The following NCK1 variants were observed in gnomAD, a reference collection of about 807,000 sequenced individuals.
NCK1 encodes SH2/SH3 adapter protein NCK1.
Under a neutral mutation model 36.6 loss-of-function variants are expected in NCK1, and 19 were observed. The observed-to-expected ratio is 0.52, with a 90% confidence interval of 0.36 to 0.76. The LOEUF is 0.76. Ranked by LOEUF, NCK1 falls within the 30% of genes least tolerant of loss-of-function variation. The probability of loss-of-function intolerance (pLI) is 0.00; values close to 1 mark genes in which losing one functional copy is unlikely to be tolerated. For missense variants in NCK1, 358 were observed against 445.6 expected (o/e 0.80, Z 1.77); for synonymous variants, 165 against 156.0 (o/e 1.06, Z -0.43).
At position 136,948,348 on chromosome 3, in the gene NCK1, G is replaced by C. The variant is rs780075424; in HGVS notation, c.1029G>C (p.Gln343His). 1 of 1,613,296 alleles carries C rather than the reference G, an allele frequency of 6.2e-7. No homozygotes were observed. Among genetic ancestry groups the C allele is most frequent in the Non-Finnish European group, 8.5e-7 (1 of 1,179,426 alleles). ...QLKETVYCIG[Q>H]RKFSTMEELV... Reference sequence around the variant, plus strand: ...AAGAGACTGTCTACTGCATTGGGCAGCGTAAATTCAGCACCATGGAAGAAC... The same window carrying C: ...AAGAGACTGTCTACTGCATTGGGCACCGTAAATTCAGCACCATGGAAGAAC... The change falls in exon 4 of 4, where the codon CAG becomes CAC. Residue 343 changes from glutamine (Q) to histidine (H), a missense_variant. By Grantham distance (24) the Gln-to-His change is conservative. Transcript: ENST00000481752.
At chr3:136,889,044 A>ATTTTTTTTTTTTTTTTTTT (rs58385753) in intron 1 of NCK1, 1 of 91,196 alleles carries the variant, frequency 1.1e-5, no homozygotes, top group African/African-American at 4.2e-5. Flanking sequence ...TAATTTTTTG[A>ATTTTTTTTTTTTTTTTTTT]TTTTTTTTTT....
Position 136,902,683 on chromosome 3 carries a change from T to C in NCK1, c.-18-25301T>C, listed in dbSNP as rs143619338. On this transcript the variant is annotated intron_variant, in intron 1 of 3. Transcript: ENST00000481752. Reference sequence around the variant, plus strand: ...GGTGCCCACTTTAATCACTCCTATTTAACACAGTACTGCAAGTCCTAACCA... The same window carrying C: ...GGTGCCCACTTTAATCACTCCTATTCAACACAGTACTGCAAGTCCTAACCA... Among the ~76,000 whole-genome samples, 4 of 147,554 alleles carry C rather than the reference T, an allele frequency of 2.7e-5. No individual in the cohort carries two copies. In the East Asian group the frequency reaches 6.3e-4, roughly 23 times the overall value.
chr3:136,915,875 A>AT (rs1216054382), intron 1 of NCK1, among the ~76,000 whole-genome samples: 1 of 151,966 alleles, frequency 6.6e-6, no homozygotes, highest in African/African-American at 2.4e-5. Context: ...ACAGGTGTGC[A>AT]TCACCACGCC....
intron 1 of NCK1, among the ~76,000 whole-genome samples, chr3:136,909,761 T>C (rs1939785758): frequency 6.6e-6 from 1 of 152,240 alleles, no homozygotes; most frequent in African/African-American, 2.4e-5. Context: ...TGATGGGCTG[T>C]CATTACATGT....
chr3:136,881,669 C>G (rs1938941416), intron 1 of NCK1, among the ~76,000 whole-genome samples: 1 of 152,180 alleles, frequency 6.6e-6, no homozygotes, highest in East Asian at 1.9e-4. Context: ...TACATACTAA[C>G]AACTCCCCAA....
chr3:136,879,084 A>G (rs1181212092), intron 1 of NCK1, among the ~76,000 whole-genome samples: 1 of 151,532 alleles, frequency 6.6e-6, no homozygotes, highest in East Asian at 1.9e-4. Flanking sequence ...CTCATATAAG[A>G]AACCTCTTAA....
At chr3:136,873,694 G>T (rs1034221364) in intron 1 of NCK1, among the ~76,000 whole-genome samples, 1 of 152,108 alleles carries the variant, frequency 6.6e-6, no homozygotes, top group Non-Finnish European at 1.5e-5. Context: ...GGAACCTGGT[G>T]GGAGGTAATT....
intron 1 of NCK1, among the ~76,000 whole-genome samples, chr3:136,880,466 G>A (rs1378362265): frequency 2.0e-5 from 3 of 152,082 alleles, no homozygotes; most frequent in Non-Finnish European, 1.5e-5. Flanking sequence ...AGCCAACTAG[G>A]AGGGAGCCTA....
At chr3:136,900,089 G>T (rs1939501380) in intron 1 of NCK1, 3 of 465,302 alleles carry the variant, frequency 6.4e-6, no homozygotes, top group South Asian at 4.5e-5. Context: ...TCCCTTTCAG[G>T]GCTTGATATT....
intron 2 of NCK1, among the ~76,000 whole-genome samples, chr3:136,934,378 C>G (rs963498070): frequency 2.8e-4 from 42 of 150,718 alleles, no homozygotes; most frequent in African/African-American, 9.8e-4. Flanking sequence ...CTCTGCCTTC[C>G]AGGTTCAAGT....
chr3:136,941,684 A>G (rs1940680853), intron 2 of NCK1, among the ~76,000 whole-genome samples: 1 of 144,568 alleles, frequency 6.9e-6, no homozygotes, highest in Non-Finnish European at 1.5e-5. Context: ...TTGTATTTTA[A>G]ATTGTGTAGG....
intron 1 of NCK1, among the ~76,000 whole-genome samples, chr3:136,877,334 A>G (rs577421674): frequency 6.6e-6 from 1 of 152,340 alleles, no homozygotes; most frequent in South Asian, 2.1e-4. Context: ...GGATTACCAA[A>G]AAAACTAGAA....
chr3:136,895,300 G>T (rs973692963), intron 1 of NCK1, among the ~76,000 whole-genome samples: 1 of 151,934 alleles, frequency 6.6e-6, no homozygotes, highest in Non-Finnish European at 1.5e-5. Flanking sequence ...TAAGGCTTTG[G>T]TATGTTTTTG....
chr3:136,915,729 TG>T (rs1315650750), intron 1 of NCK1, among the ~76,000 whole-genome samples: 1 of 151,410 alleles, frequency 6.6e-6, no homozygotes, highest in African/African-American at 2.4e-5. Flanking sequence ...CTTTTGCTTT[TG>T]TTTTTTTTTT....
At chr3:136,886,414 C>A (rs1183966776) in intron 1 of NCK1, among the ~76,000 whole-genome samples, 1 of 152,136 alleles carries the variant, frequency 6.6e-6, no homozygotes, top group South Asian at 2.1e-4. Context: ...GCACATTCTC[C>A]TGTATACTCG....
intron 2 of NCK1, chr3:136,930,575 C>T (rs556174578): frequency 8.1e-6 from 12 of 1,487,414 alleles, no homozygotes; most frequent in South Asian, 3.9e-5. Flanking sequence ...ATTGGTTAAA[C>T]GTCTTTAAAG....
chr3:136,903,084 C>T (rs191776762), intron 1 of NCK1, among the ~76,000 whole-genome samples: 210 of 152,336 alleles, frequency 1.4e-3, no homozygotes, highest in African/African-American at 4.7e-3. Flanking sequence ...GAATCTATCT[C>T]TCCTTACAGA....
chr3:136,942,409 C>T (rs915998221), intron 2 of NCK1, among the ~76,000 whole-genome samples: 5 of 152,114 alleles, frequency 3.3e-5, no homozygotes, highest in Non-Finnish European at 7.3e-5. Context: ...CATGTGGGGC[C>T]GCTGAAGTCT....
intron 2 of NCK1, among the ~76,000 whole-genome samples, chr3:136,936,267 C>T (rs2108140052): frequency 6.6e-6 from 1 of 152,130 alleles, no homozygotes; most frequent in East Asian, 1.9e-4. Flanking sequence ...TCACGAACTC[C>T]TTACCTCAAG....
Sources: allele counts gnomAD v4.1 joint callset (sites outside exome capture counted in the v4.1 genomes callset), GRCh38; gene constraint gnomAD v4.1.1; transcripts MANE v1.5; gene names NCBI Gene and HGNC (gene_info 2026-07-23, HGNC 2026-07-21).